KLRG1: variants seen among roughly 807,000 people sequenced by gnomAD.
KLRG1 encodes the protein killer cell lectin-like receptor subfamily G member 1.
In KLRG1, 16 loss-of-function variants were observed where a neutral mutation model predicts 21.8. The observed-to-expected ratio is 0.73, with a 90% CI of 0.50 to 1.11. The LOEUF is 1.11. Among genes scored for constraint, KLRG1 ranks in the 50% most tolerant of loss-of-function variants. KLRG1 has a pLI of 0.00. For missense variants in KLRG1, 173 were observed against 218.3 expected, an observed-to-expected ratio of 0.79 and a Z score of 1.31; for synonymous variants, 69 against 75.9, an observed-to-expected ratio of 0.91 and a Z score of 0.47.
chr12:8,982,847 T>A (rs999976190), intron 1 of KLRG1, among the ~76,000 whole-genome samples: 2 of 152,166 alleles, frequency 1.3e-5, no homozygotes, highest in African/African-American at 4.8e-5. Context: ...CGTTTCACCA[T>A]GTTGGCCAGG....
chr12:9,201,704 T>C, the KLRG1 span, among the ~76,000 whole-genome samples: 7 of 152,134 alleles, frequency 4.6e-5, no homozygotes. Context: ...TAGAGTTATA[T>C]GTCATTATGA....
chr12:9,110,190 TGGG>T, the KLRG1 span: 9 of 1,110,846 alleles, frequency 8.1e-6, no homozygotes, highest in Non-Finnish European at 1.2e-5. Flanking sequence ...TCTAGCTCTA[TGGG>T]AGTTTGAAGG....
the KLRG1 span, among the ~76,000 whole-genome samples, chr12:9,018,566 A>G: frequency 6.6e-6 from 1 of 152,006 alleles, no homozygotes; most frequent in Admixed American, 6.6e-5. Flanking sequence ...AGAAAACTGG[A>G]TATTCATATG....
In KLRG1 at chr12:8,989,588, T is replaced by C. The variant is rs770001999; in HGVS notation, c.-48T>C. ...CTCACTGATACATATCCCTTCACAC[T>C]TCTATAATTTAACTCTCTCAACTGC... On this transcript the variant is annotated 5_prime_UTR_variant, in exon 1 of 5. Transcript: ENST00000356986. The C allele has an allele frequency of 2.9e-5, 36 of 1,239,324 alleles. No individual in the cohort carries two copies. Among genetic ancestry groups the C allele is most frequent in the Non-Finnish European group, 4.0e-5 (34 of 846,412 alleles). 76.8% of individuals were successfully genotyped at this position (1,239,324 alleles called of 1,614,324 possible).
At chr12:9,157,741 G>A in the KLRG1 span, 1 of 1,592,400 alleles carries the variant, frequency 6.3e-7, no homozygotes, top group Non-Finnish European at 8.6e-7. Flanking sequence ...TTTCATGGTA[G>A]GGAATGGGAT....
chr12:9,048,069 AT>A, the KLRG1 span, among the ~76,000 whole-genome samples: 2,001 of 152,278 alleles, frequency 0.013, 37 homozygotes, highest in African/African-American at 0.041. Context: ...TAGAATACAC[AT>A]TTTTCTCAAG....
the KLRG1 span, chr12:9,099,358 A>G: frequency 6.5e-7 from 1 of 1,550,132 alleles, no homozygotes; most frequent in East Asian, 2.4e-5. Flanking sequence ...CATGTTGAAG[A>G]TTTTATGATC....
At chr12:8,976,806 C>T (rs1946663584) in intron 1 of KLRG1, among the ~76,000 whole-genome samples, 1 of 151,888 alleles carries the variant, frequency 6.6e-6, no homozygotes, top group Non-Finnish European at 1.5e-5. Context: ...AGTGCAATGG[C>T]GTGCATTTTG....
the KLRG1 span, among the ~76,000 whole-genome samples, chr12:9,019,320 G>A: frequency 9.6e-3 from 1,464 of 152,278 alleles, 21 homozygotes; most frequent in African/African-American, 0.033. Context: ...ACTGTTGGTT[G>A]GAGTGTAAAT....
the KLRG1 span, chr12:9,200,874 A>T: frequency 1.3e-6 from 2 of 1,591,836 alleles, no homozygotes; most frequent in African/African-American, 1.4e-5. Flanking sequence ...TGCCTTTTTC[A>T]TCTTCCATAA....
the KLRG1 span, among the ~76,000 whole-genome samples, chr12:9,210,652 G>C: frequency 1.3e-5 from 2 of 152,128 alleles, no homozygotes; most frequent in African/African-American, 4.8e-5. Context: ...TAAGTGGGAA[G>C]TTTGGTCTCA....
chr12:9,200,411 C>A, the KLRG1 span: 4 of 1,611,416 alleles, frequency 2.5e-6, no homozygotes, highest in Non-Finnish European at 3.4e-6. Context: ...TACTGATTAT[C>A]TTTGGCACCT....
the KLRG1 span, among the ~76,000 whole-genome samples, chr12:9,123,977 GA>G: frequency 0.14 from 21,095 of 149,720 alleles, 2,402 homozygotes; most frequent in African/African-American, 0.31. Context: ...TTCCTATTTA[GA>G]AAAAAAAAGT....
the KLRG1 span, chr12:9,202,692 G>A: frequency 1.2e-6 from 2 of 1,612,176 alleles, no homozygotes; most frequent in African/African-American, 2.7e-5. Flanking sequence ...GAGCTAAAAA[G>A]CAAAGGATTT....
intron 2 of KLRG1, among the ~76,000 whole-genome samples, chr12:8,993,081 A>ATTT (rs35555710): frequency 7.8e-6 from 1 of 129,002 alleles, no homozygotes; most frequent in East Asian, 2.2e-4. Context: ...AACATTCTGA[A>ATTT]TTTTTTTTTT....
At chr12:9,020,328 C>T in the KLRG1 span, among the ~76,000 whole-genome samples, 1 of 152,286 alleles carries the variant, frequency 6.6e-6, no homozygotes, top group South Asian at 2.1e-4. Flanking sequence ...GAAATCACCA[C>T]CACAATCAGC....
At chr12:9,152,794 A>C in the KLRG1 span, 4 of 1,602,896 alleles carry the variant, frequency 2.5e-6, no homozygotes, top group Non-Finnish European at 3.4e-6. Context: ...TTTTGGGCCA[A>C]AGATAGGTGA....
the KLRG1 span, among the ~76,000 whole-genome samples, chr12:9,130,842 C>T: frequency 1.3e-5 from 2 of 151,624 alleles, no homozygotes; most frequent in African/African-American, 4.8e-5. Flanking sequence ...GTTACCTGTG[C>T]TTTTGGTGTC....
the KLRG1 span, chr12:9,161,155 A>G: frequency 6.9e-7 from 1 of 1,446,220 alleles, no homozygotes; most frequent in African/African-American, 1.4e-5. Flanking sequence ...GAGGACATCT[A>G]TGATTACAAT....
Sources: allele counts gnomAD v4.1 joint callset (sites outside exome capture counted in the v4.1 genomes callset), GRCh38; gene constraint gnomAD v4.1.1; transcripts MANE v1.5; gene names NCBI Gene and HGNC (gene_info 2026-07-23, HGNC 2026-07-21).